CSRNP3: variants seen among roughly 807,000 people sequenced by gnomAD.
CSRNP3 encodes cysteine/serine-rich nuclear protein 3.
CSRNP3 carries 12 observed loss-of-function variants against 48.0 expected under a neutral mutation model. That is an observed-to-expected ratio of 0.25 (90% CI 0.16 to 0.41). The LOEUF is 0.41. CSRNP3 is among the 10% of genes least tolerant of loss of function. CSRNP3 has a pLI of 1.00. For synonymous variants in CSRNP3, 263 were observed against 269.7 expected (o/e 0.98, Z 0.24); for missense variants, 580 against 724.4 (o/e 0.80, Z 2.29).
chr2:165,636,713 CTT>C (rs1278168468), intron 4 of CSRNP3, among the ~76,000 whole-genome samples: 1 of 152,174 alleles, frequency 6.6e-6, no homozygotes. Flanking sequence ...TCTAGCAAAA[CTT>C]AATTCTAACA....
intron 4 of CSRNP3, among the ~76,000 whole-genome samples, chr2:165,598,484 G>T (rs150404908): frequency 6.6e-6 from 1 of 152,232 alleles, no homozygotes; most frequent in East Asian, 1.9e-4. Flanking sequence ...ACAACAAGGT[G>T]TCCAACTTAA....
chr2:165,636,947 A>T (rs889249312), intron 4 of CSRNP3, among the ~76,000 whole-genome samples: 3 of 152,220 alleles, frequency 2.0e-5, no homozygotes, highest in African/African-American at 7.2e-5. Context: ...GAAGACAACC[A>T]GCATTCCTAT....
At chr2:165,634,340 A>G (rs1686592259) in intron 4 of CSRNP3, among the ~76,000 whole-genome samples, 1 of 151,888 alleles carries the variant, frequency 6.6e-6, no homozygotes, top group Non-Finnish European at 1.5e-5. Flanking sequence ...GATCCTGTCC[A>G]AAAAAAGAAA....
At chr2:165,493,919 G>A (rs989699987) in intron 1 of CSRNP3, among the ~76,000 whole-genome samples, 2 of 151,986 alleles carry the variant, frequency 1.3e-5, no homozygotes, top group African/African-American at 2.4e-5. Context: ...AGGAATTTTT[G>A]TTTGCAACCC....
intron 4 of CSRNP3, among the ~76,000 whole-genome samples, chr2:165,636,908 G>A (rs1573935099): frequency 6.6e-6 from 1 of 152,248 alleles, no homozygotes; most frequent in East Asian, 1.9e-4. Context: ...AATGAGGGCA[G>A]TCACTAGGCA....
At chr2:165,482,441 T>A (rs1684060638) in intron 1 of CSRNP3, among the ~76,000 whole-genome samples, 1 of 152,070 alleles carries the variant, frequency 6.6e-6, no homozygotes, top group Admixed American at 6.5e-5. Flanking sequence ...TTTTTGTATT[T>A]TTTTGTAGAG....
At chr2:165,675,048 G>A (rs1687400721) in intron 5 of CSRNP3, among the ~76,000 whole-genome samples, 1 of 152,016 alleles carries the variant, frequency 6.6e-6, no homozygotes, top group Non-Finnish European at 1.5e-5. Flanking sequence ...TTGCTAGTGT[G>A]TTATTTCCTC....
At chr2:165,610,976 G>C (rs1425775958) in intron 4 of CSRNP3, among the ~76,000 whole-genome samples, 1 of 152,128 alleles carries the variant, frequency 6.6e-6, no homozygotes, top group Non-Finnish European at 1.5e-5. Flanking sequence ...CATCAATAAA[G>C]CATGAATTTT....
intron 5 of CSRNP3, among the ~76,000 whole-genome samples, chr2:165,664,785 G>C (rs974151288): frequency 1.3e-5 from 2 of 152,050 alleles, no homozygotes; most frequent in Non-Finnish European, 2.9e-5. Context: ...TAAGGATATA[G>C]TGGCTTTTGG....
chr2:165,522,319 C>CA (rs1000499509), intron 3 of CSRNP3, among the ~76,000 whole-genome samples: 8 of 151,674 alleles, frequency 5.3e-5, no homozygotes, highest in Admixed American at 3.3e-4. Context: ...AACAAACAAA[C>CA]AAAAAACCGC....
intron 5 of CSRNP3, among the ~76,000 whole-genome samples, chr2:165,659,320 C>T (rs917767605): frequency 6.6e-6 from 1 of 152,106 alleles, no homozygotes; most frequent in African/African-American, 2.4e-5. Context: ...ACAAAATCAG[C>T]AGTGCTTAAT....
intron 3 of CSRNP3, among the ~76,000 whole-genome samples, chr2:165,562,469 G>T (rs371497701): frequency 6.6e-6 from 1 of 152,156 alleles, no homozygotes; most frequent in South Asian, 2.1e-4. Flanking sequence ...TAACCCTGTT[G>T]TTGGGGGAGA....
chr2:165,683,693 G>T lies in CSRNP3; in HGVS notation c.*3940G>T, dbSNP rs1050356786. On this transcript the variant is annotated 3_prime_UTR_variant, in exon 7 of 7. Coordinates refer to ENST00000651982, the MANE Select transcript of CSRNP3 (RefSeq NM_001172173.2). The stretch of plus-strand genomic sequence containing the variant: ...ATGCTGTGTTAGAACAACTGTCTTG[G>T]GTAGTAAAAAGAGGGGAACACTACA... 2.6e-5 allele frequency: 4 copies of T among 151,828 alleles called. No homozygotes were observed. The highest frequency in any genetic ancestry group is 4.4e-5 in the Non-Finnish European group (3 of 67,928). The allele number at this position is 151,828 out of a possible 1,614,324, so 9.4% of individuals were successfully genotyped here. A position where few individuals can be genotyped will look rare whatever the true frequency, so the allele number is the denominator to read the frequency against.
intron 3 of CSRNP3, among the ~76,000 whole-genome samples, chr2:165,562,004 A>C (rs1685240998): frequency 6.6e-6 from 1 of 152,158 alleles, no homozygotes; most frequent in Non-Finnish European, 1.5e-5. Context: ...TTCGATTTTT[A>C]TTTAACACAT....
intron 3 of CSRNP3, among the ~76,000 whole-genome samples, chr2:165,577,001 G>C (rs111365262): frequency 6.6e-6 from 1 of 151,732 alleles, no homozygotes; most frequent in Non-Finnish European, 1.5e-5. Context: ...AAGATTTCAG[G>C]GCAAACATGT....
chr2:165,665,736 G>T (rs1687169595), intron 5 of CSRNP3, among the ~76,000 whole-genome samples: 1 of 150,306 alleles, frequency 6.7e-6, no homozygotes, highest in South Asian at 2.1e-4. Flanking sequence ...CTGTAGCCTG[G>T]GTCCCAGGCG....
intron 2 of CSRNP3, among the ~76,000 whole-genome samples, chr2:165,495,876 T>C (rs1223025640): frequency 6.6e-6 from 1 of 152,002 alleles, no homozygotes; most frequent in Non-Finnish European, 1.5e-5. Flanking sequence ...GTATTTGTAT[T>C]TGGGGAGTTT....
At chr2:165,515,103 A>G (rs996579610) in intron 2 of CSRNP3, among the ~76,000 whole-genome samples, 9 of 151,874 alleles carry the variant, frequency 5.9e-5, no homozygotes, top group Non-Finnish European at 1.2e-4. Context: ...GCGGATCATG[A>G]GGTCAGGAGT....
chr2:165,522,534 G>C (rs1460919458), intron 3 of CSRNP3, among the ~76,000 whole-genome samples: 2 of 151,940 alleles, frequency 1.3e-5, no homozygotes, highest in Non-Finnish European at 2.9e-5. Context: ...GAAGTGAAAG[G>C]AAAAGAGTTT....
Sources: allele counts gnomAD v4.1 joint callset (sites outside exome capture counted in the v4.1 genomes callset), GRCh38; gene constraint gnomAD v4.1.1; transcripts MANE v1.5; gene names NCBI Gene and HGNC (gene_info 2026-07-23, HGNC 2026-07-21).